Variants in NR3C1 observed in about 807,000 individuals in gnomAD.
NR3C1 encodes the protein nuclear receptor subfamily 3 group C member 1.
A neutral mutation model predicts 74.0 loss-of-function variants in NR3C1; 14 were observed. The observed-to-expected ratio is 0.19, with a 90% CI of 0.12 to 0.30. The LOEUF (loss-of-function observed/expected upper bound fraction) is 0.30. Ranked by LOEUF, NR3C1 falls within the 10% of genes least tolerant of loss-of-function variation. The pLI is 1.00. For missense variants in NR3C1, 695 were observed against 909.8 expected, an observed-to-expected ratio of 0.76 and a Z score of 3.04; for synonymous variants, 308 against 332.5, an observed-to-expected ratio of 0.93 and a Z score of 0.80.
At chr5:143,326,045 T>A (rs1824531086) in intron 2 of NR3C1, among the ~76,000 whole-genome samples, 1 of 152,234 alleles carries the variant, frequency 6.6e-6, no homozygotes, top group Admixed American at 6.5e-5. Flanking sequence ...CTAGGTACAG[T>A]ACACAAATAA....
intron 2 of NR3C1, among the ~76,000 whole-genome samples, chr5:143,327,624 A>AT (rs1336612060): frequency 6.6e-6 from 1 of 152,254 alleles, no homozygotes; most frequent in Non-Finnish European, 1.5e-5. Context: ...GGGAACAGGC[A>AT]TTGGGTAAAT....
In NR3C1 at chr5:143,298,763, G is replaced by T. The variant is rs61753497; in HGVS notation, c.1797C>A (p.Ser599=). 6.2e-7 allele frequency: 1 copy of T among 1,613,710 alleles called. No individual in the cohort carries two copies. Among genetic ancestry groups the T allele is most frequent in the Non-Finnish European group, 8.5e-7 (1 of 1,179,904 alleles). ...LDDQMTLLQY[S]WMFLMAFALG... ...GAGCAAATGCCATAAGAAACATCCA[G>T]GAGTACTGCAGTAGGGTCATTTGGT... is the stretch of plus-strand genomic sequence containing the variant. The change falls in exon 6 of 9, where the codon TCC becomes TCA. Residue 599 remains serine (S), a synonymous_variant. Transcript: ENST00000394464.
At chr5:143,313,043 G>A (rs770650295) in intron 3 of NR3C1, among the ~76,000 whole-genome samples, 1 of 152,134 alleles carries the variant, frequency 6.6e-6, no homozygotes, top group Non-Finnish European at 1.5e-5. Flanking sequence ...TAACTCTCAT[G>A]GATATGCAAA....
intron 1 of NR3C1, among the ~76,000 whole-genome samples, chr5:143,417,982 A>T (rs1364985263): frequency 6.6e-6 from 1 of 152,202 alleles, no homozygotes; most frequent in African/African-American, 2.4e-5. Flanking sequence ...CAGACATTTA[A>T]AAGCATAGAC....
Position 143,281,756 on chromosome 5 carries a change from G to A in NR3C1, c.*133C>T, listed in dbSNP as rs149554437. On this transcript the variant is annotated 3_prime_UTR_variant, in exon 9 of 9. Transcript: ENST00000394464. Reference sequence around the variant, plus strand: ...GCCCTCTATAAACCACATGTAGTGCGTATTTAAAACAAAACAACAGATGAA... The same window carrying A: ...GCCCTCTATAAACCACATGTAGTGCATATTTAAAACAAAACAACAGATGAA... 7.5e-5 allele frequency: 72 copies of A among 959,042 alleles called. No individual in the cohort carries two copies. The East Asian group carries it at 8.1e-4, about 11-fold the overall frequency. The allele number at this position is 959,042 out of a possible 1,614,324, so 59.4% of individuals were successfully genotyped here. A position where few individuals can be genotyped will look rare whatever the true frequency, so the allele number is the denominator to read the frequency against.
intron 2 of NR3C1, among the ~76,000 whole-genome samples, chr5:143,361,172 G>C (rs1002254676): frequency 2.0e-4 from 30 of 152,188 alleles, no homozygotes; most frequent in Admixed American, 1.8e-3. Context: ...AGCTTATTCA[G>C]TATAAGTAGG....
intron 1 of NR3C1, among the ~76,000 whole-genome samples, chr5:143,426,400 A>T (rs1358242895): frequency 6.6e-6 from 1 of 152,256 alleles, no homozygotes; most frequent in Non-Finnish European, 1.5e-5. Flanking sequence ...GTCAATAGTC[A>T]TAACAAAAAT....
chr5:143,421,360 C>T (rs568458655), intron 1 of NR3C1, among the ~76,000 whole-genome samples: 5 of 152,232 alleles, frequency 3.3e-5, no homozygotes, highest in East Asian at 1.9e-4. Context: ...GTGTGGGCTC[C>T]GGGTTTGAAT....
At chr5:143,299,701 C>A (rs1192598218) in intron 5 of NR3C1, among the ~76,000 whole-genome samples, 1 of 152,036 alleles carries the variant, frequency 6.6e-6, no homozygotes, top group Non-Finnish European at 1.5e-5. Context: ...ATTACATGTA[C>A]CCCCTAAATA....
intron 1 of NR3C1, chr5:143,402,640 A>G: frequency 2.0e-6 from 2 of 985,528 alleles, no homozygotes; most frequent in Non-Finnish European, 2.4e-6. Flanking sequence ...CTTCTAACAG[A>G]TAACGCCGGC....
intron 2 of NR3C1, among the ~76,000 whole-genome samples, chr5:143,387,797 T>C (rs1378102061): frequency 6.6e-6 from 1 of 152,122 alleles, no homozygotes; most frequent in East Asian, 1.9e-4. Flanking sequence ...ATCTAAAATA[T>C]AAATAAGCTG....
In NR3C1 at chr5:143,368,133, A is replaced by G. The variant is rs527983457; in HGVS notation, c.1184+31523T>C. Among the ~76,000 whole-genome samples, 3 of 152,348 alleles carry G rather than the reference A, an allele frequency of 2.0e-5. No homozygotes were observed. In the South Asian group the frequency reaches 6.2e-4, roughly 32 times the overall value. On this transcript the variant is annotated intron_variant, in intron 2 of 8. Transcript: ENST00000394464. Reference sequence around the variant, plus strand: ...TTCAACAAGGTATCAAGACCATTCAATGGGGAAAGAATAATCTTTTCAACA... The same window carrying G: ...TTCAACAAGGTATCAAGACCATTCAGTGGGGAAAGAATAATCTTTTCAACA...
At chr5:143,317,615 G>A (rs1365902842) in intron 2 of NR3C1, among the ~76,000 whole-genome samples, 1 of 152,138 alleles carries the variant, frequency 6.6e-6, no homozygotes, top group African/African-American at 2.4e-5. Context: ...TTATGTTAGA[G>A]TTCAGAGAGA....
rs1164270246 is a variant in NR3C1 at position 143,424,074 on chromosome 5, AG to A, written c.-14+10457del. Among the ~76,000 whole-genome samples the A allele has an allele frequency of 5.7e-4, 16 of 28,260 alleles. 1 individual carries two copies. Among genetic ancestry groups the A allele is most frequent in the Admixed American group, 5.1e-3 (15 of 2,946 alleles). The allele number at this position is 28,260 out of a possible 152,430, so 18.5% of individuals were successfully genotyped here. A position where few individuals can be genotyped will look rare whatever the true frequency, so the allele number is the denominator to read the frequency against. ...CTGGGGACTGTTGTGGGGTGTGGGG[AG>A]GGGGGAGGGATAGCATTGGGAGATA... On this transcript the variant is annotated intron_variant, in intron 1 of 8. Transcript: ENST00000343796.
intron 1 of NR3C1, among the ~76,000 whole-genome samples, chr5:143,410,461 TG>T (rs1841254411): frequency 6.6e-6 from 1 of 152,084 alleles, no homozygotes; most frequent in Admixed American, 6.5e-5. Flanking sequence ...TTGTCACCAT[TG>T]AAAAAAAAAT....
At chr5:143,343,319 T>G (rs1209481166) in intron 2 of NR3C1, among the ~76,000 whole-genome samples, 1 of 152,180 alleles carries the variant, frequency 6.6e-6, no homozygotes, top group African/African-American at 2.4e-5. Flanking sequence ...TGGTAACTCA[T>G]GGATAAAGCT....
rs536787147 is a variant in NR3C1 at position 143,403,198 on chromosome 5, C to T, written c.-14+13G>A. The T allele has an allele frequency of 1.1e-5, 11 of 985,262 alleles. No homozygotes were observed. In the South Asian group the frequency reaches 5.2e-4, roughly 46 times the overall value. 61.0% of individuals were successfully genotyped at this position (985,262 alleles called of 1,614,324 possible). A position where few individuals can be genotyped will look rare whatever the true frequency, so the allele number is the denominator to read the frequency against. On this transcript the variant is annotated intron_variant, in intron 1 of 8. Coordinates refer to ENST00000394464, the MANE Select transcript of NR3C1 (RefSeq NM_000176.3). ...GCGAGCGCGCCCCGGCCCCCTCCCG[C>T]CTCGCTTCTTACCTCTGGCAGAGGA...
intron 7 of NR3C1, chr5:143,294,766 C>G (rs776396159): frequency 3.9e-5 from 10 of 256,666 alleles, no homozygotes; most frequent in Non-Finnish European, 6.1e-5. Context: ...TAGCTTTTTT[C>G]ACTTAGTAAT....
At chr5:143,293,204 A>T (rs749547553) in intron 7 of NR3C1, among the ~76,000 whole-genome samples, 2 of 152,242 alleles carry the variant, frequency 1.3e-5, no homozygotes, top group Non-Finnish European at 2.9e-5. Context: ...AGCCACAAAA[A>T]GGAACAAAAT....
Sources: allele counts gnomAD v4.1 joint callset (sites outside exome capture counted in the v4.1 genomes callset), GRCh38; gene constraint gnomAD v4.1.1; transcripts MANE v1.5; gene names NCBI Gene and HGNC (gene_info 2026-07-23, HGNC 2026-07-21).